RASD2: variants seen among roughly 807,000 people sequenced by gnomAD.
RASD2 encodes the protein RASD family member 2.
Under a neutral mutation model 15.8 loss-of-function variants are expected in RASD2, and 7 were observed. That is an observed-to-expected ratio of 0.44 (90% CI 0.25 to 0.83). RASD2 has a LOEUF of 0.83. Among genes scored for constraint, RASD2 ranks in the 40% least tolerant of loss-of-function variants. The pLI is 0.20. For missense variants in RASD2, 274 were observed against 382.8 expected (o/e 0.72, Z 2.37); for synonymous variants, 155 against 153.6 (o/e 1.01, Z -0.07).
rs1014080561 is a variant in RASD2 at position 35,551,430 on chromosome 22, A to G, written c.272-73A>G. On this transcript the variant is annotated intron_variant, in intron 2 of 2. Transcript: ENST00000216127. This position sits in a 1 kb window ranked among gnomAD's most constrained non-coding sequence, Gnocchi z 4.9. The stretch of plus-strand genomic sequence containing the variant: ...CTGTGACTCCCAGCTCTTAGGGCTG[A>G]TGTTCTGTGGCCAGAGGAGGGCAGG... 2 of 1,490,734 alleles carry G rather than the reference A, an allele frequency of 1.3e-6. No homozygotes were observed. Among genetic ancestry groups the G allele is most frequent in the Non-Finnish European group, 1.8e-6 (2 of 1,093,106 alleles). The allele number at this position is 1,490,734 out of a possible 1,614,324, so 92.3% of individuals were successfully genotyped here. A position where few individuals can be genotyped will look rare whatever the true frequency, so the allele number is the denominator to read the frequency against.
At position 35,547,133 on chromosome 22, in the gene RASD2, G is replaced by A; in HGVS notation, c.271+53G>A. 7.1e-6 allele frequency: 11 copies of A among 1,553,026 alleles called. No individual in the cohort carries two copies. The South Asian group carries it at 1.2e-4, about 17-fold the overall frequency. On this transcript the variant is annotated intron_variant, in intron 2 of 2. Coordinates refer to ENST00000216127, the MANE Select transcript of RASD2 (RefSeq NM_014310.4). ...GCGGCAGGGCCAGGGCATGGGTGCG[G>A]AGTGTGCTGGGCACTTGGCAGTTTG...
Position 35,547,016 on chromosome 22 carries a change from C to T in RASD2, c.207C>T (p.Leu69=), listed in dbSNP as rs765158291. 7 of 1,614,052 alleles carry T rather than the reference C, an allele frequency of 4.3e-6. No individual in the cohort carries two copies. Among genetic ancestry groups the T allele is most frequent in the African/African-American group, 4.0e-5 (3 of 74,920 alleles). ...VYNIRGDMYQ[L]DILDTSGNHP... ...ACATCCGCGGCGACATGTACCAGCTCGACATCCTGGATACCTCTGGCAACC... is the reference window on the plus strand; with the variant it reads ...ACATCCGCGGCGACATGTACCAGCTTGACATCCTGGATACCTCTGGCAACC... The change falls in exon 2 of 3, where the codon CTC becomes CTT. Residue 69 remains leucine, a synonymous_variant. Transcript: ENST00000216127.
At chr22:35,550,785 C>T (rs938085073) in intron 2 of RASD2, among the ~76,000 whole-genome samples, 1 of 152,166 alleles carries the variant, frequency 6.6e-6, no homozygotes, top group Non-Finnish European at 1.5e-5. Flanking sequence ...GGCTGCATAC[C>T]CTTTCTGAGC....
At chr22:35,546,628 G>T in intron 1 of RASD2, 173 bp from the exon 2 acceptor site, 1 of 362,408 alleles carries the variant, frequency 2.8e-6, no homozygotes. Flanking sequence ...AGGAGTAAAG[G>T]AGAGGGCATG....
chr22:35,540,869 C>T lies in RASD2; in HGVS notation c.-641C>T, dbSNP rs1934326761. 2 of 152,476 alleles carry T rather than the reference C, an allele frequency of 1.3e-5. No homozygotes were observed. Among genetic ancestry groups the T allele is most frequent in the African/African-American group, 2.4e-5 (1 of 41,446 alleles). 9.4% of individuals were successfully genotyped at this position (152,476 alleles called of 1,614,324 possible). A position where few individuals can be genotyped will look rare whatever the true frequency, so the allele number is the denominator to read the frequency against. ...CCTCCTTCAGCTGCTGGCGTCGCCGCGCGGGGAGAAAGAAGCCGTCCCTCC... is the reference window on the plus strand; with the variant it reads ...CCTCCTTCAGCTGCTGGCGTCGCCGTGCGGGGAGAAAGAAGCCGTCCCTCC... On this transcript the variant is annotated 5_prime_UTR_variant, in exon 1 of 3. Coordinates refer to ENST00000216127, the MANE Select transcript of RASD2 (RefSeq NM_014310.4).
chr22:35,539,417 CCTGAGGTCCAGGGATCTGGAA>C (rs1464585896), upstream of RASD2, among the ~76,000 whole-genome samples: 1 of 152,188 alleles, frequency 6.6e-6, no homozygotes, highest in African/African-American at 2.4e-5. Context: ...GGCAGACATC[CCTGAGGTCCAGGGATCTGGAA>C]CTGAGGGACA....
chr22:35,550,390 A>G (rs926768849), intron 2 of RASD2, among the ~76,000 whole-genome samples: 12 of 149,830 alleles, frequency 8.0e-5, no homozygotes, highest in Non-Finnish European at 1.5e-4. Context: ...GCAGTGAGCC[A>G]AGATCACACC....
intron 2 of RASD2, among the ~76,000 whole-genome samples, chr22:35,548,599 G>T (rs988933435): frequency 6.6e-6 from 1 of 152,188 alleles, no homozygotes; most frequent in Non-Finnish European, 1.5e-5. Flanking sequence ...CCCTGCTGCC[G>T]CCTTGAGGCC....
At chr22:35,537,266 C>T (rs914624428), upstream of RASD2, among the ~76,000 whole-genome samples, 8 of 152,170 alleles carry the variant, frequency 5.3e-5, no homozygotes, top group East Asian at 1.9e-4. Flanking sequence ...AGAGCTTGTA[C>T]GTTTCTTCTG....
intron 2 of RASD2, among the ~76,000 whole-genome samples, chr22:35,547,931 C>T (rs537225189): frequency 7.7e-4 from 118 of 152,346 alleles, no homozygotes; most frequent in Non-Finnish European, 1.5e-3. Context: ...AGTTATTTAA[C>T]CCTCATAGTA....
upstream of RASD2, among the ~76,000 whole-genome samples, chr22:35,538,902 T>C (rs1377120214): frequency 6.6e-6 from 1 of 152,082 alleles, no homozygotes; most frequent in Non-Finnish European, 1.5e-5. Context: ...GCACAAACCC[T>C]CCCGGGCTGA....
rs778960940 is a variant in RASD2 at position 35,551,721 on chromosome 22, G to C, written c.490G>C (p.Glu164Gln). Residue 164 changes from glutamate to glutamine, a missense_variant, in exon 3 of 3, where the codon GAG becomes CAG. Coordinates refer to ENST00000216127, the MANE Select transcript of RASD2 (RefSeq NM_014310.4). The surrounding 1 kb of genome is among the most constrained non-coding windows in gnomAD (Gnocchi z 4.9). ...GGCCGAGCTGCTGGTGTCGGGCGACGAGAACTGCGCCTACTTCGAGGTGTC... is the reference window on the plus strand; with the variant it reads ...GGCCGAGCTGCTGGTGTCGGGCGACCAGAACTGCGCCTACTTCGAGGTGTC... ...TEAELLVSGD[E>Q]NCAYFEVSAK... The C allele has an allele frequency of 6.2e-7, 1 of 1,613,876 alleles. No individual in the cohort carries two copies. The highest frequency in any genetic ancestry group is 8.5e-7 in the Non-Finnish European group (1 of 1,179,824).
At chr22:35,535,322 T>G in the RASD2 span, among the ~76,000 whole-genome samples, 3 of 151,238 alleles carry the variant, frequency 2.0e-5, no homozygotes, top group African/African-American at 7.3e-5. Context: ...GAGGATCGCT[T>G]GAGCCCAGCA....
chr22:35,547,394 T>C (rs2145873845), intron 2 of RASD2, among the ~76,000 whole-genome samples: 1 of 152,324 alleles, frequency 6.6e-6, no homozygotes, highest in South Asian at 2.1e-4. Context: ...GCTGCTGCTT[T>C]CCTTCTCCGG....
Position 35,541,470 on chromosome 22 carries a change from C to T in RASD2, c.-40C>T. The T allele has an allele frequency of 6.6e-6, 1 of 152,240 alleles. No individual in the cohort carries two copies. The highest frequency in any genetic ancestry group is 1.9e-4 in the East Asian group (1 of 5,182). 9.4% of individuals were successfully genotyped at this position (152,240 alleles called of 1,614,324 possible). Reference sequence around the variant, plus strand: ...CGGCGCTTCCAGGCAGCTCTCTGAGCCGTGCCAGAGGCCCGGCCCGCCATT... The same window carrying T: ...CGGCGCTTCCAGGCAGCTCTCTGAGTCGTGCCAGAGGCCCGGCCCGCCATT... On this transcript the variant is annotated 5_prime_UTR_variant, in exon 1 of 3. Coordinates refer to ENST00000216127, the MANE Select transcript of RASD2 (RefSeq NM_014310.4).
chr22:35,540,421 C>T (rs2145865977), upstream of RASD2, among the ~76,000 whole-genome samples: 1 of 148,990 alleles, frequency 6.7e-6, no homozygotes, highest in Admixed American at 6.7e-5. Context: ...CCGCGGGACC[C>T]GCCTCCCATT....
chr22:35,540,489 G>C (rs1466810504), upstream of RASD2, among the ~76,000 whole-genome samples: 2 of 150,444 alleles, frequency 1.3e-5, no homozygotes, highest in East Asian at 1.9e-4. Flanking sequence ...CGGGCTCTGG[G>C]GGGCAGACGC....
chr22:35,553,847 C>T lies in RASD2; in HGVS notation c.*1815C>T, dbSNP rs891015727. ...CTGTGCTCAAAGCAGCAGCTCCAAC[C>T]CTGCCTCTGTCCCCTTCCCCACCCA... On this transcript the variant is annotated 3_prime_UTR_variant, in exon 3 of 3. Coordinates refer to ENST00000216127, the MANE Select transcript of RASD2 (RefSeq NM_014310.4). The T allele has an allele frequency of 6.5e-6, 1 of 153,108 alleles. No individual in the cohort carries two copies. Among genetic ancestry groups the T allele is most frequent in the African/African-American group, 2.4e-5 (1 of 41,458 alleles). The allele number at this position is 153,108 out of a possible 1,614,324, so 9.5% of individuals were successfully genotyped here.
chr22:35,549,368 T>C (rs528226525), intron 2 of RASD2, among the ~76,000 whole-genome samples: 1 of 152,346 alleles, frequency 6.6e-6, no homozygotes, highest in South Asian at 2.1e-4. Flanking sequence ...TGGTGGAACC[T>C]CATTTTTTCA....
Sources: gnomAD v4.1 joint callset for allele counts (sites outside exome capture counted in the v4.1 genomes callset) on GRCh38, gnomAD v4.1.1 for gene constraint, Gnocchi (gnomAD v3.1) non-coding constraint, MANE v1.5 for transcripts, NCBI Gene and HGNC (gene_info 2026-07-23, HGNC 2026-07-21) for gene names.